ZNF469: variants seen among roughly 807,000 people sequenced by gnomAD.
ZNF469 encodes zinc finger protein 469.
A neutral mutation model predicts 1.0 loss-of-function variants in ZNF469; 1 was observed. The ratio of observed to expected loss-of-function variants is 1.00; its 90% CI spans 0.35 to 4.73. The LOEUF is 4.73. Among genes scored for constraint, ZNF469 ranks in the 30% most tolerant of loss-of-function variants. ZNF469 has a pLI of 0.16. For missense variants in ZNF469, 6,100 were observed against 5,356.3 expected, an observed-to-expected ratio of 1.14 and a Z score of -4.33; for synonymous variants, 2,703 against 2,363.4, an observed-to-expected ratio of 1.14 and a Z score of -4.17.
chr16:88,283,979 AGACCCCGAGTGTGCCCGAGGTCTGTG>A, the ZNF469 span, among the ~76,000 whole-genome samples: 1 of 110,052 alleles, frequency 9.1e-6, no homozygotes, highest in African/African-American at 4.0e-5. Context: ...GGAGGCTGGT[AGACCCCGAGTGTGCCCGAGGTCTGTG>A]GAGGCTGGTA....
chr16:88,384,951 G>A (rs2092533934), intron 1 of ZNF469, among the ~76,000 whole-genome samples: 1 of 152,122 alleles, frequency 6.6e-6, no homozygotes, highest in Non-Finnish European at 1.5e-5. Context: ...CCTACCAGCT[G>A]GAATGCACTG....
At chr16:88,146,891 G>A in the ZNF469 span, among the ~76,000 whole-genome samples, 1 of 152,022 alleles carries the variant, frequency 6.6e-6, no homozygotes, top group African/African-American at 2.4e-5. Flanking sequence ...CACGCTGGAA[G>A]AGAGGGCAGT....
At chr16:88,265,703 G>A in the ZNF469 span, among the ~76,000 whole-genome samples, 3 of 152,100 alleles carry the variant, frequency 2.0e-5, no homozygotes, top group Non-Finnish European at 4.4e-5. Flanking sequence ...TGGGTCACAG[G>A]GTGCTGCAGG....
At chr16:88,263,850 C>T in the ZNF469 span, among the ~76,000 whole-genome samples, 2 of 152,108 alleles carry the variant, frequency 1.3e-5, no homozygotes, top group African/African-American at 4.8e-5. Flanking sequence ...GAGACTGATG[C>T]GCCGGGCAGA....
chr16:88,348,061 C>G, the ZNF469 span, among the ~76,000 whole-genome samples: 1 of 152,240 alleles, frequency 6.6e-6, no homozygotes, highest in Non-Finnish European at 1.5e-5. Context: ...CGTGGTGGGC[C>G]AGGGACAGCA....
the ZNF469 span, among the ~76,000 whole-genome samples, chr16:88,355,407 T>C: frequency 1.3e-5 from 2 of 152,080 alleles, no homozygotes; most frequent in Non-Finnish European, 2.9e-5. Context: ...CCCGCCACCA[T>C]GGCGCTCACG....
At chr16:88,405,073 G>A (rs1904990010) in intron 1 of ZNF469, among the ~76,000 whole-genome samples, 7 of 152,168 alleles carry the variant, frequency 4.6e-5, no homozygotes, top group Admixed American at 4.6e-4. Context: ...CACAGGGCAG[G>A]GGAGGGTAGC....
the ZNF469 span, among the ~76,000 whole-genome samples, chr16:88,103,721 A>G: frequency 8.1e-5 from 12 of 148,620 alleles, no homozygotes; most frequent in Admixed American, 5.3e-4. Flanking sequence ...ATAATCCTCC[A>G]TGGCACGAGG....
the ZNF469 span, among the ~76,000 whole-genome samples, chr16:88,109,646 C>T: frequency 1.4e-5 from 2 of 147,154 alleles, no homozygotes; most frequent in African/African-American, 2.6e-5. Flanking sequence ...AGGTGCTGAG[C>T]GTCTGTGTCC....
chr16:88,355,181 C>T, the ZNF469 span, among the ~76,000 whole-genome samples: 5 of 152,294 alleles, frequency 3.3e-5, no homozygotes, highest in East Asian at 1.9e-4. Context: ...AACTCTACAA[C>T]GAGACTATCA....
At chr16:88,317,925 T>C in the ZNF469 span, among the ~76,000 whole-genome samples, 1 of 152,270 alleles carries the variant, frequency 6.6e-6, no homozygotes, top group Admixed American at 6.5e-5. Context: ...TGAACCTAGG[T>C]CTTGAGGGTG....
chr16:88,382,518 T>C (rs530540650), upstream of ZNF469, among the ~76,000 whole-genome samples: 1 of 152,106 alleles, frequency 6.6e-6, no homozygotes, highest in Non-Finnish European at 1.5e-5. Flanking sequence ...GGGACCTCCT[T>C]ATGGTGCCTT....
chr16:88,430,133 A>C lies in ZNF469; in HGVS notation c.2663A>C (p.Lys888Thr). The stretch of plus-strand genomic sequence containing the variant: ...AGCTCCGGACACCCCCTTAAGAGCA[A>C]GGCGGGGGTGACTCCAGAGAGCAAA... Reference protein sequence around the residue: ...GPSSGHPLKSKAGVTPESKAP... With the variant: ...GPSSGHPLKSTAGVTPESKAP... Residue 888 changes from lysine to threonine, a missense_variant, in exon 3 of 3, where the codon AAG (lysine) becomes ACG (threonine). Transcript: ENST00000565624. 2 of 1,550,158 alleles carry C rather than the reference A, an allele frequency of 1.3e-6. No individual in the cohort carries two copies. Among genetic ancestry groups the C allele is most frequent in the Non-Finnish European group, 1.7e-6 (2 of 1,146,906 alleles).
At chr16:88,353,642 G>T in the ZNF469 span, among the ~76,000 whole-genome samples, 1 of 152,226 alleles carries the variant, frequency 6.6e-6, no homozygotes, top group Non-Finnish European at 1.5e-5. Context: ...CGTGGTGAAC[G>T]GTGGCTCCCA....
chr16:88,435,185 A>T lies in ZNF469; in HGVS notation c.7715A>T (p.Gln2572Leu), dbSNP rs2142311347. The part of the protein sequence containing the change: ...LRAPGSPHSQ[Q>L]LHPPSPTEHE... ...GCACCGGGGTCCCCACACAGCCAGC[A>T]GCTGCACCCTCCAAGCCCTACTGAG... The change falls in exon 3 of 3, where the codon CAG (glutamine) becomes CTG (leucine). Residue 2572 changes from glutamine (Q) to leucine (L), a missense_variant. Coordinates refer to ENST00000565624, the MANE Select transcript of ZNF469 (RefSeq NM_001367624.2). 6.4e-7 allele frequency: 1 copy of T among 1,550,402 alleles called. No individual in the cohort carries two copies. The highest frequency in any genetic ancestry group is 8.7e-7 in the Non-Finnish European group (1 of 1,146,990).
the ZNF469 span, among the ~76,000 whole-genome samples, chr16:88,221,456 C>T: frequency 6.6e-6 from 1 of 152,226 alleles, no homozygotes; most frequent in Non-Finnish European, 1.5e-5. Context: ...GGTTGTGGGG[C>T]CAGGATACAG....
the ZNF469 span, among the ~76,000 whole-genome samples, chr16:88,367,128 A>G: frequency 2.0e-5 from 3 of 152,200 alleles, no homozygotes; most frequent in Admixed American, 2.0e-4. Context: ...ACAGACTCTG[A>G]TTCCTCTGGG....
the ZNF469 span, among the ~76,000 whole-genome samples, chr16:88,139,628 G>A: frequency 6.7e-6 from 1 of 148,832 alleles, no homozygotes; most frequent in African/African-American, 2.5e-5. Context: ...AAGTGGATCT[G>A]AAACCTTTTT....
At chr16:88,343,614 T>C in the ZNF469 span, among the ~76,000 whole-genome samples, 1 of 152,124 alleles carries the variant, frequency 6.6e-6, no homozygotes, top group African/African-American at 2.4e-5. Context: ...GCCTTCTTGC[T>C]GGTGGGGACT....
Sources: allele counts gnomAD v4.1 joint callset (sites outside exome capture counted in the v4.1 genomes callset), GRCh38; gene constraint gnomAD v4.1.1; transcripts MANE v1.5; gene names NCBI Gene and HGNC (gene_info 2026-07-23, HGNC 2026-07-21).